Variants in MED12L observed in about 807,000 individuals in gnomAD.
MED12L encodes mediator of RNA polymerase II transcription subunit 12-like protein.
A neutral mutation model predicts 281.3 loss-of-function variants in MED12L; 60 were observed. The ratio of observed to expected loss-of-function variants is 0.21; its 90% CI spans 0.17 to 0.26. MED12L has a LOEUF of 0.26. MED12L is among the 10% of genes least tolerant of loss of function. The pLI is 1.00. For missense variants in MED12L, 2,146 were observed against 2,680.9 expected (o/e 0.80, Z 4.41); for synonymous variants, 974 against 987.2 (o/e 0.99, Z 0.25).
intron 40 of MED12L, among the ~76,000 whole-genome samples, chr3:151,411,006 A>G (rs1716871731): frequency 6.6e-6 from 1 of 151,840 alleles, no homozygotes; most frequent in African/African-American, 2.4e-5. Context: ...TAAGCAGCTA[A>G]TCTTAAAAGC....
At chr3:151,244,997 G>A (rs891886470) in intron 16 of MED12L, among the ~76,000 whole-genome samples, 38 of 130,962 alleles carry the variant, frequency 2.9e-4, no homozygotes, top group South Asian at 5.7e-4. Flanking sequence ...ACACCTCTAC[G>A]CAAATAAACT....
intron 2 of MED12L, among the ~76,000 whole-genome samples, chr3:151,115,587 T>G (rs575605795): frequency 6.6e-6 from 1 of 151,658 alleles, no homozygotes; most frequent in South Asian, 2.1e-4. Flanking sequence ...CCTCAGGTGA[T>G]CCACATGCCT....
intron 43 of MED12L, among the ~76,000 whole-genome samples, chr3:151,429,693 A>G (rs1719261232): frequency 6.6e-6 from 1 of 152,044 alleles, no homozygotes; most frequent in Non-Finnish European, 1.5e-5. Context: ...GATTCTTCCT[A>G]CAGAGCCTGT....
At chr3:151,255,291 T>C (rs1737607633) in intron 16 of MED12L, among the ~76,000 whole-genome samples, 1 of 152,214 alleles carries the variant, frequency 6.6e-6, no homozygotes, top group Non-Finnish European at 1.5e-5. Flanking sequence ...TTTATACTAA[T>C]GGGTACCCTT....
At chr3:151,112,029 TG>T (rs1711980014) in intron 2 of MED12L, among the ~76,000 whole-genome samples, 1 of 152,218 alleles carries the variant, frequency 6.6e-6, no homozygotes, top group Non-Finnish European at 1.5e-5. Context: ...AAGTATTTTT[TG>T]TATGATTTTA....
chr3:151,286,146 T>TA, intron 16 of MED12L, among the ~76,000 whole-genome samples: 1 of 152,270 alleles, frequency 6.6e-6, no homozygotes, highest in Admixed American at 6.5e-5. Context: ...CTGTTGTAGT[T>TA]AGAGTACTCT....
intron 11 of MED12L, among the ~76,000 whole-genome samples, chr3:151,169,975 C>T (rs927332370): frequency 6.6e-6 from 1 of 152,170 alleles, no homozygotes; most frequent in Non-Finnish European, 1.5e-5. Context: ...TCCTTAATTC[C>T]CTTTTCTCTG....
intron 5 of MED12L, among the ~76,000 whole-genome samples, chr3:151,139,067 T>G (rs1043435713): frequency 1.3e-5 from 2 of 152,244 alleles, no homozygotes; most frequent in Non-Finnish European, 2.9e-5. Context: ...TCTATCAGTA[T>G]TGATTCATAG....
At chr3:151,311,978 G>A (rs1747599040) in intron 16 of MED12L, among the ~76,000 whole-genome samples, 1 of 152,190 alleles carries the variant, frequency 6.6e-6, no homozygotes, top group Non-Finnish European at 1.5e-5. Context: ...GGTTGCAGAG[G>A]TTGCAGTGAG....
At chr3:151,366,391 G>A (rs547793989) in intron 23 of MED12L, among the ~76,000 whole-genome samples, 3 of 152,282 alleles carry the variant, frequency 2.0e-5, no homozygotes, top group Non-Finnish European at 4.4e-5. Flanking sequence ...ATATTTTTAA[G>A]TGCAAGGCGC....
In MED12L at chr3:151,086,783, T is replaced by A. The variant is rs1719276075; in HGVS notation, c.-129-15T>A. On this transcript the variant is annotated splice_polypyrimidine_tract_variant and intron_variant, in intron 1 of 44. Coordinates refer to ENST00000687756, the MANE Select transcript of MED12L (RefSeq NM_001393769.1). ...AGCGGCAGCATCCAACCTGCTTTAT[T>A]CCTCCTGCCTGCAGCGCCACAGCGA... 3.2e-6 allele frequency: 2 copies of A among 631,322 alleles called. No homozygotes were observed. The highest frequency in any genetic ancestry group is 1.9e-5 in the African/African-American group (1 of 52,512). The allele number at this position is 631,322 out of a possible 1,614,324, so 39.1% of individuals were successfully genotyped here.
At chr3:151,188,632 T>C in intron 13 of MED12L, 152 bp downstream of exon 13, 1 of 680,250 alleles carries the variant, frequency 1.5e-6, no homozygotes, top group Non-Finnish European at 2.3e-6. Context: ...GCATGTTTTT[T>C]CATGGAGACT....
intron 16 of MED12L, chr3:151,294,163 A>T (rs777460104): frequency 1.3e-6 from 2 of 1,491,162 alleles, no homozygotes; most frequent in African/African-American, 2.8e-5. Context: ...ACAAACAATA[A>T]AAGGCCTACA....
At chr3:151,213,695 C>G (rs1299683716) in intron 16 of MED12L, 1 of 1,614,052 alleles carries the variant, frequency 6.2e-7, no homozygotes. Flanking sequence ...TTTGTGATAG[C>G]AGTATAGAAA....
chr3:151,424,644 CA>C (rs1441214038), intron 43 of MED12L, among the ~76,000 whole-genome samples: 17 of 151,710 alleles, frequency 1.1e-4, no homozygotes, highest in African/African-American at 4.1e-4. Flanking sequence ...CAAAACAAAA[CA>C]AAAAAACTCT....
chr3:151,247,793 G>A (rs544262777), intron 16 of MED12L, among the ~76,000 whole-genome samples: 1 of 151,602 alleles, frequency 6.6e-6, no homozygotes, highest in South Asian at 2.1e-4. Context: ...AATGAATTAG[G>A]ACTTAAGAAG....
Position 151,360,541 on chromosome 3 carries a change from G to A in MED12L, c.2893G>A (p.Ala965Thr). 1 of 1,612,950 alleles carries A rather than the reference G, an allele frequency of 6.2e-7. No individual in the cohort carries two copies. Among genetic ancestry groups the A allele is most frequent in the African/African-American group, 1.3e-5 (1 of 74,938 alleles). Reference protein sequence around the residue: ...ECSSPERCILAYLYDLYVSCS... With the variant: ...ECSSPERCILTYLYDLYVSCS... ...TTCTTCCCCTGAAAGATGCATTTTA[G>A]CCTACCTCTATGATCTCTATGTGTC... Residue 965 changes from alanine (A) to threonine (T), a missense_variant, in exon 21 of 45, where the codon GCC becomes ACC. This residue lies in a region of MED12L where 404 missense variants were observed against 603.5 expected (regional missense o/e 0.67). Transcript: ENST00000687756.
intron 20 of MED12L, among the ~76,000 whole-genome samples, chr3:151,358,373 A>T (rs1264244889): frequency 2.0e-5 from 3 of 152,122 alleles, no homozygotes. Flanking sequence ...GGAAATTGAG[A>T]TTCAGGCCTG....
intron 16 of MED12L, chr3:151,213,212 G>C (rs1024003969): frequency 2.0e-6 from 2 of 994,796 alleles, no homozygotes; most frequent in African/African-American, 3.2e-5. Flanking sequence ...TGATATTTAT[G>C]ATGAGGGCAC....
Sources: allele counts gnomAD v4.1 joint callset (sites outside exome capture counted in the v4.1 genomes callset), GRCh38; gene constraint gnomAD v4.1.1; regional missense constraint gnomAD v4.1.1; transcripts MANE v1.5; gene names NCBI Gene and HGNC (gene_info 2026-07-23, HGNC 2026-07-21).